Variants in SCFD2 observed in about 807,000 individuals in gnomAD.
SCFD2 encodes the protein sec1 family domain-containing protein 2.
SCFD2 carries 54 observed loss-of-function variants against 58.9 expected under a neutral mutation model. The ratio of observed to expected loss-of-function variants is 0.92; its 90% CI spans 0.74 to 1.15. The LOEUF (loss-of-function observed/expected upper bound fraction) is 1.15. SCFD2 is among the 50% of genes most tolerant of loss of function. The pLI, the probability that SCFD2 is intolerant of heterozygous loss-of-function variation, is 0.00. For synonymous variants in SCFD2, 321 were observed against 335.9 expected, an observed-to-expected ratio of 0.96 and a Z score of 0.49; for missense variants, 805 against 836.6, an observed-to-expected ratio of 0.96 and a Z score of 0.47.
intron 3 of SCFD2, among the ~76,000 whole-genome samples, chr4:53,307,586 G>C (rs984743266): frequency 7.9e-5 from 12 of 152,192 alleles, no homozygotes; most frequent in African/African-American, 2.9e-4. Context: ...TTGTTAAGTG[G>C]GTAATTGAAA....
intron 2 of SCFD2, among the ~76,000 whole-genome samples, chr4:53,346,277 C>CTTT (rs58195090): frequency 1.5e-5 from 2 of 135,244 alleles, no homozygotes; most frequent in Non-Finnish European, 1.6e-5. Context: ...CTTTTTTTTT[C>CTTT]TTTTTTTTTT....
intron 2 of SCFD2, among the ~76,000 whole-genome samples, chr4:53,337,801 C>T (rs975770759): frequency 6.6e-6 from 1 of 152,120 alleles, no homozygotes; most frequent in African/African-American, 2.4e-5. Flanking sequence ...AATCCTGACA[C>T]AAGAGTATAC....
chr4:53,243,793 G>A (rs1310105923), intron 4 of SCFD2, among the ~76,000 whole-genome samples: 1 of 152,132 alleles, frequency 6.6e-6, no homozygotes, highest in South Asian at 2.1e-4. Context: ...TAAAGGGATG[G>A]AGAAAAATCT....
intron 5 of SCFD2, among the ~76,000 whole-genome samples, chr4:53,123,177 A>G (rs1273880098): frequency 6.6e-6 from 1 of 152,108 alleles, no homozygotes; most frequent in African/African-American, 2.4e-5. Context: ...ATTGCAAGGT[A>G]TGTTTCTGTC....
At chr4:52,948,037 C>CA (rs1468732040) in intron 5 of SCFD2, among the ~76,000 whole-genome samples, 2 of 128,608 alleles carry the variant, frequency 1.6e-5, no homozygotes, top group African/African-American at 5.8e-5. Context: ...AAATCACGTA[C>CA]AAAAAATTCT....
chr4:52,925,294 T>A (rs1369144526), intron 5 of SCFD2, among the ~76,000 whole-genome samples: 5 of 150,694 alleles, frequency 3.3e-5, no homozygotes, highest in African/African-American at 7.3e-5. Context: ...ATGTGCTATT[T>A]TATATATATA....
chr4:53,292,772 T>G (rs895857436), intron 3 of SCFD2, among the ~76,000 whole-genome samples: 1 of 152,168 alleles, frequency 6.6e-6, no homozygotes. Flanking sequence ...TGCAGCACTA[T>G]TCACAATAGC....
At chr4:52,912,685 T>C (rs1383215648) in intron 6 of SCFD2, among the ~76,000 whole-genome samples, 2 of 152,192 alleles carry the variant, frequency 1.3e-5, no homozygotes, top group Non-Finnish European at 2.9e-5. Context: ...AGGAGAACCT[T>C]TGGTTTCTGT....
chr4:53,048,291 A>C (rs898714995), intron 5 of SCFD2, among the ~76,000 whole-genome samples: 1 of 152,076 alleles, frequency 6.6e-6, no homozygotes, highest in Non-Finnish European at 1.5e-5. Context: ...CAGAGAATGT[A>C]GTGAACCGAG....
intron 4 of SCFD2, among the ~76,000 whole-genome samples, chr4:53,216,186 T>C (rs1212293756): frequency 6.6e-6 from 1 of 152,194 alleles, no homozygotes; most frequent in Non-Finnish European, 1.5e-5. Context: ...GGATTCCTCC[T>C]TTTTCTATTG....
At chr4:53,248,420 C>G (rs1465832611) in intron 4 of SCFD2, among the ~76,000 whole-genome samples, 2 of 152,218 alleles carry the variant, frequency 1.3e-5, no homozygotes, top group African/African-American at 4.8e-5. Context: ...TGGAGCCCAC[C>G]ACAGCTCAAG....
intron 4 of SCFD2, among the ~76,000 whole-genome samples, chr4:53,269,222 G>T (rs1203499358): frequency 6.6e-6 from 1 of 152,168 alleles, no homozygotes; most frequent in Non-Finnish European, 1.5e-5. Context: ...CTACTCAGGA[G>T]TCTGAGGTGG....
chr4:52,986,746 G>A (rs934576410), intron 5 of SCFD2, among the ~76,000 whole-genome samples: 8 of 151,880 alleles, frequency 5.3e-5, no homozygotes, highest in Non-Finnish European at 7.4e-5. Flanking sequence ...TGATCCACCC[G>A]CCTCGGCCTC....
chr4:53,322,328 A>T (rs1365936492), intron 2 of SCFD2, among the ~76,000 whole-genome samples: 1 of 152,200 alleles, frequency 6.6e-6, no homozygotes, highest in Non-Finnish European at 1.5e-5. Flanking sequence ...ATAATGCATT[A>T]GCATGCTAAA....
intron 4 of SCFD2, among the ~76,000 whole-genome samples, chr4:53,182,513 T>C (rs949637592): frequency 6.6e-6 from 1 of 152,148 alleles, no homozygotes; most frequent in African/African-American, 2.4e-5. Flanking sequence ...CAAGATGGAT[T>C]AAAGACTTAA....
chr4:52,958,760 AG>A (rs1416703560), intron 5 of SCFD2, among the ~76,000 whole-genome samples: 2 of 152,202 alleles, frequency 1.3e-5, no homozygotes, highest in Admixed American at 1.3e-4. Flanking sequence ...CCTGTTCCCC[AG>A]AGATGCCTTG....
At chr4:52,900,942 C>G (rs1719180780) in intron 7 of SCFD2, among the ~76,000 whole-genome samples, 1 of 152,220 alleles carries the variant, frequency 6.6e-6, no homozygotes, top group Non-Finnish European at 1.5e-5. Flanking sequence ...CCCTCTGAGC[C>G]AGGTGTGGGA....
intron 8 of SCFD2, among the ~76,000 whole-genome samples, chr4:52,880,623 AAAAAAAAAGAAAAAG>A (rs1718587566): frequency 6.6e-6 from 1 of 151,832 alleles, no homozygotes; most frequent in Admixed American, 6.6e-5. Context: ...TCTCAAAAAA[AAAAAAAAAGAAAAAG>A]AAAAAAAGAA....
chr4:53,069,863 G>A (rs1267447691), intron 5 of SCFD2, among the ~76,000 whole-genome samples: 1 of 151,856 alleles, frequency 6.6e-6, no homozygotes, highest in Non-Finnish European at 1.5e-5. Context: ...TAGACATTCT[G>A]GCTTTGTAAC....
Sources: allele counts gnomAD v4.1 joint callset (sites outside exome capture counted in the v4.1 genomes callset), GRCh38; gene constraint gnomAD v4.1.1; transcripts MANE v1.5; gene names NCBI Gene and HGNC (gene_info 2026-07-23, HGNC 2026-07-21).